Variants in KRT79 observed in about 807,000 individuals in gnomAD.
KRT79 encodes the protein keratin, type II cytoskeletal 79.
In KRT79, 51 loss-of-function variants were observed where a neutral mutation model predicts 49.0. The observed-to-expected ratio is 1.04, with a 90% CI of 0.83 to 1.31. The LOEUF (loss-of-function observed/expected upper bound fraction) is 1.31. Among genes scored for constraint, KRT79 ranks in the 40% most tolerant of loss-of-function variants. The pLI, the probability that KRT79 is intolerant of heterozygous loss-of-function variation, is 0.00. For missense variants in KRT79, 728 were observed against 688.0 expected (o/e 1.06, Z -0.65); for synonymous variants, 312 against 286.6 (o/e 1.09, Z -0.90).
chr12:52,830,190 C>A, intron 3 of KRT79, 42 bp downstream of exon 3: 1 of 1,613,588 alleles, frequency 6.2e-7, no homozygotes, highest in African/African-American at 1.3e-5. Flanking sequence ...GCCCAGTACC[C>A]TGGCAGCCAA....
Position 52,830,006 on chromosome 12 carries a change from C to T in KRT79, c.855+17G>A. 18 of 1,610,276 alleles carry T rather than the reference C, an allele frequency of 1.1e-5. No homozygotes were observed. The highest frequency in any genetic ancestry group is 1.4e-5 in the Non-Finnish European group (17 of 1,176,392). ...TTATAGTGTATGCAAACTCTCCCTGCCCATTGGCCACCTCACCATTTCATA... is the reference window on the plus strand; with the variant it reads ...TTATAGTGTATGCAAACTCTCCCTGTCCATTGGCCACCTCACCATTTCATA... On this transcript the variant is annotated intron_variant, in intron 4 of 8. Coordinates refer to ENST00000330553, the MANE Select transcript of KRT79 (RefSeq NM_175834.3).
At chr12:52,827,705 C>T (rs963358180) in intron 4 of KRT79, among the ~76,000 whole-genome samples, 10 of 152,312 alleles carry the variant, frequency 6.6e-5, no homozygotes, top group African/African-American at 2.2e-4. Flanking sequence ...AGAAATAACA[C>T]GGAGGTCCCT....
At chr12:52,830,992 T>C (rs1444791670) in intron 2 of KRT79, among the ~76,000 whole-genome samples, 1 of 152,006 alleles carries the variant, frequency 6.6e-6, no homozygotes, top group Non-Finnish European at 1.5e-5. Context: ...ACTTGTAAAA[T>C]ATTAGTGAAT....
In KRT79 at chr12:52,821,930, G is replaced by C. The variant is rs775020026; in HGVS notation, c.1550C>G (p.Ala517Gly). The change falls in exon 9 of 9, where the codon GCG (alanine) becomes GGG (glycine). Residue 517 changes from alanine to glycine, a missense_variant. Physicochemically the swap from Ala to Gly is moderately conservative, Grantham distance 60 (BLOSUM62 0). Transcript: ENST00000330553. ...YSTVKGGPVS[A>G]GTSILRKTTT... The stretch of plus-strand genomic sequence containing the variant: ...GGTCTTCCGCAGGATGGAGGTGCCC[G>C]CAGAGACTGGCCCTCCCTTGACGGT... The C allele has an allele frequency of 6.2e-7, 1 of 1,614,142 alleles. No individual in the cohort carries two copies. The highest frequency in any genetic ancestry group is 1.1e-5 in the South Asian group (1 of 91,086).
At chr12:52,832,379 A>G (rs1338483987) in intron 1 of KRT79, among the ~76,000 whole-genome samples, 1 of 152,028 alleles carries the variant, frequency 6.6e-6, no homozygotes, top group African/African-American at 2.4e-5. Flanking sequence ...TTTTCCCAAA[A>G]AAAACTTTTT....
At chr12:52,831,276 T>C (rs1940249683) in intron 2 of KRT79, 130 bp downstream of exon 2, 3 of 809,844 alleles carry the variant, frequency 3.7e-6, no homozygotes, top group Non-Finnish European at 6.1e-6. Context: ...CCTGAGCACC[T>C]GAGGGAGCCA....
intron 4 of KRT79, among the ~76,000 whole-genome samples, chr12:52,827,207 G>A (rs1195765045): frequency 7.2e-6 from 1 of 139,172 alleles, no homozygotes. Context: ...GGCTTCCGCA[G>A]CCCTCCCAGG....
At chr12:52,833,379 C>T (rs1430697125) in intron 1 of KRT79, among the ~76,000 whole-genome samples, 8 of 152,218 alleles carry the variant, frequency 5.3e-5, no homozygotes, top group Non-Finnish European at 1.2e-4. Context: ...CTTTCAACTC[C>T]TGAGCATTGT....
intron 4 of KRT79, among the ~76,000 whole-genome samples, chr12:52,828,779 A>G (rs1182212311): frequency 5.3e-5 from 8 of 152,236 alleles, no homozygotes; most frequent in Admixed American, 2.0e-4. Context: ...GGCTGCATCA[A>G]TAGAAGTTTG....
chr12:52,831,441 C>T lies in KRT79; in HGVS notation c.663G>A (p.Arg221=). 5 of 1,614,226 alleles carry T rather than the reference C, an allele frequency of 3.1e-6. No homozygotes were observed. Among genetic ancestry groups the T allele is most frequent in the Non-Finnish European group, 4.2e-6 (5 of 1,180,046 alleles). ...SERGRLDSEL[R]NVQDLVEDFK... ...AGTCCTCCACAAGGTCCTGCACGTT[C>T]CTGAGCTCTGAGTCCAGCCTCCCCC... Residue 221 remains arginine, a synonymous_variant, in exon 2 of 9, where the codon AGG becomes AGA. Transcript: ENST00000330553.
intron 4 of KRT79, among the ~76,000 whole-genome samples, chr12:52,826,524 A>G (rs1940178277): frequency 6.6e-6 from 1 of 151,870 alleles, no homozygotes; most frequent in Non-Finnish European, 1.5e-5. Flanking sequence ...AAAAAAAAAA[A>G]AAAAAAAGTC....
In KRT79 at chr12:52,823,194, C is replaced by T. The variant is rs1268214662; in HGVS notation, c.1189G>A (p.Gly397Arg). The T allele has an allele frequency of 1.9e-6, 3 of 1,614,116 alleles. No individual in the cohort carries two copies. The African/African-American group carries it at 4.0e-5, about 22-fold the overall frequency. Residue 397 changes from glycine to arginine, a missense_variant, in exon 7 of 9, where the codon GGG becomes AGG. Transcript: ENST00000330553. ...TGAGCATCCTTGAGTGCCAGCTCCC[C>T]ACGCTGCTCCGCTTCCGCAATGGCC... ...QTAIAEAEQR[G>R]ELALKDAQKK...
At position 52,831,466 on chromosome 12, in the gene KRT79, C is replaced by G. The variant is rs768167409; in HGVS notation, c.638G>C (p.Arg213Pro). Residue 213 changes from arginine to proline, a missense_variant, in exon 2 of 9, where the codon CGG becomes CCG. Coordinates refer to ENST00000330553, the MANE Select transcript of KRT79 (RefSeq NM_175834.3). ...CCTGAGCTCTGAGTCCAGCCTCCCC[C>G]GCTCGCTCTGAAGTCTGTCCAGCGT... ...RSTLDRLQSE[R>P]GRLDSELRNV... The G allele has an allele frequency of 1.7e-5, 27 of 1,614,120 alleles. 1 individual carries two copies. The South Asian group carries it at 2.1e-4, about 12-fold the overall frequency.
chr12:52,823,190 T>C lies in KRT79; in HGVS notation c.1193A>G (p.Glu398Gly). Residue 398 changes from glutamate to glycine, a missense_variant, in exon 7 of 9, where the codon GAG (glutamate) becomes GGG (glycine). Physicochemically the swap from Glu to Gly is moderately conservative, Grantham distance 98 (BLOSUM62 -2). Coordinates refer to ENST00000330553, the MANE Select transcript of KRT79 (RefSeq NM_175834.3). ...CTTCTGAGCATCCTTGAGTGCCAGCTCCCCACGCTGCTCCGCTTCCGCAAT... is the reference window on the plus strand; with the variant it reads ...CTTCTGAGCATCCTTGAGTGCCAGCCCCCCACGCTGCTCCGCTTCCGCAAT... ...TAIAEAEQRG[E>G]LALKDAQKKL... 1 of 1,614,114 alleles carries C rather than the reference T, an allele frequency of 6.2e-7. No individual in the cohort carries two copies. Among genetic ancestry groups the C allele is most frequent in the Non-Finnish European group, 8.5e-7 (1 of 1,180,010 alleles).
At position 52,822,560 on chromosome 12, in the gene KRT79, G is replaced by T. The variant is rs2363622; in HGVS notation, c.1368-181C>A. Among the ~76,000 whole-genome samples, 433 of 152,292 alleles carry T rather than the reference G, an allele frequency of 2.8e-3. 3 individuals are homozygous for T. Among genetic ancestry groups the T allele is most frequent in the African/African-American group, 0.01 (419 of 41,566 alleles). On this transcript the variant is annotated intron_variant, in intron 7 of 8. Transcript: ENST00000330553. ...GTCCAAAAGCCAGTGCTGCAGAAAG[G>T]GCAGAGCCACCAGTAGGCTGTGCCA...
At position 52,831,631 on chromosome 12, in the gene KRT79, G is replaced by C; in HGVS notation, c.478-5C>G. 1 of 1,612,834 alleles carries C rather than the reference G, an allele frequency of 6.2e-7. No individual in the cohort carries two copies. Among genetic ancestry groups the C allele is most frequent in the Non-Finnish European group, 8.5e-7 (1 of 1,179,006 alleles). ...CTGTTGCTCCAGGAACCGCACCTGAGCCAGAGCAGAAAGGGTGGGCTGATG... is the reference window on the plus strand; with the variant it reads ...CTGTTGCTCCAGGAACCGCACCTGACCCAGAGCAGAAAGGGTGGGCTGATG... On this transcript the variant is annotated splice_polypyrimidine_tract_variant and splice_region_variant and intron_variant, in intron 1 of 8. Coordinates refer to ENST00000330553, the MANE Select transcript of KRT79 (RefSeq NM_175834.3).
chr12:52,823,398 A>AG (rs1940128571), intron 6 of KRT79, among the ~76,000 whole-genome samples, 162 bp from the exon 7 acceptor site: 1 of 152,234 alleles, frequency 6.6e-6, no homozygotes, highest in African/African-American at 2.4e-5. Flanking sequence ...TTACACAAGC[A>AG]GGATCAAGTA....
In KRT79 at chr12:52,822,996, C is replaced by T. The variant is rs568888076; in HGVS notation, c.1367+20G>A. 1.7e-5 allele frequency: 27 copies of T among 1,609,574 alleles called. No individual in the cohort carries two copies. In the East Asian group the frequency reaches 1.8e-4, roughly 11 times the overall value. On this transcript the variant is annotated intron_variant, in intron 7 of 8. Coordinates refer to ENST00000330553, the MANE Select transcript of KRT79 (RefSeq NM_175834.3). ...GCAGGCCCGACCCAGCTTTCTGGGTCGGGCAGGAGGGGCCACCACCTGCTC... is the reference window on the plus strand; with the variant it reads ...GCAGGCCCGACCCAGCTTTCTGGGTTGGGCAGGAGGGGCCACCACCTGCTC...
chr12:52,824,252 A>G lies in KRT79; in HGVS notation c.966T>C (p.Tyr322=). 6.2e-7 allele frequency: 1 copy of G among 1,614,234 alleles called. No individual in the cohort carries two copies. Among genetic ancestry groups the G allele is most frequent in the African/African-American group, 1.3e-5 (1 of 75,058 alleles). ...DSIIAEVKAQ[Y]ELIAQRSRAE... ...CCCGGCTCCTCTGGGCAATCAGCTC[A>G]TACTGGGCCTTGACCTCGGCGATGA... The change falls in exon 5 of 9, where the codon TAT becomes TAC. Residue 322 remains tyrosine (Y), a synonymous_variant. Transcript: ENST00000330553.
Sources: allele counts gnomAD v4.1 joint callset (sites outside exome capture counted in the v4.1 genomes callset), GRCh38; gene constraint gnomAD v4.1.1; transcripts MANE v1.5; gene names NCBI Gene and HGNC (gene_info 2026-07-23, HGNC 2026-07-21).